Variants in NAALADL2 observed in about 807,000 individuals in gnomAD.
The protein encoded by NAALADL2 is inactive N-acetylated-alpha-linked acidic dipeptidase-like protein 2.
Under a neutral mutation model 87.2 loss-of-function variants are expected in NAALADL2, and 76 were observed. That is an observed-to-expected ratio of 0.87 (90% confidence interval 0.72 to 1.05). The LOEUF (loss-of-function observed/expected upper bound fraction) is 1.05, where lower values mean the gene tolerates loss of function less well. Ranked by LOEUF, NAALADL2 falls within the 50% of genes least tolerant of loss-of-function variation. The pLI is 0.00. For synonymous variants in NAALADL2, 354 were observed against 331.0 expected, an observed-to-expected ratio of 1.07 and a Z score of -0.75; for missense variants, 1,089 against 945.8, an observed-to-expected ratio of 1.15 and a Z score of -1.99.
chr3:174,837,576 C>T (rs1723490147), intron 3 of NAALADL2, among the ~76,000 whole-genome samples: 1 of 152,114 alleles, frequency 6.6e-6, no homozygotes, highest in African/African-American at 2.4e-5. Flanking sequence ...GGCAGATCAC[C>T]TGAGGTCAGG....
chr3:175,539,380 G>T (rs774408867), intron 9 of NAALADL2, among the ~76,000 whole-genome samples: 1 of 152,048 alleles, frequency 6.6e-6, no homozygotes, highest in South Asian at 2.1e-4. Flanking sequence ...TGACAGTTAC[G>T]CATTAATCTC....
At chr3:175,433,597 A>T (rs1718140419) in intron 5 of NAALADL2, among the ~76,000 whole-genome samples, 1 of 152,044 alleles carries the variant, frequency 6.6e-6, no homozygotes. Context: ...GACTTCAAAG[A>T]AAACTCATTA....
At chr3:175,108,318 A>C (rs1723585584) in intron 2 of NAALADL2, among the ~76,000 whole-genome samples, 1 of 151,956 alleles carries the variant, frequency 6.6e-6, no homozygotes, top group Non-Finnish European at 1.5e-5. Context: ...GAAAACTATG[A>C]TTTGAGATCA....
intron 2 of NAALADL2, among the ~76,000 whole-genome samples, chr3:175,128,592 G>A (rs1727323345): frequency 6.6e-6 from 1 of 152,092 alleles, no homozygotes; most frequent in Non-Finnish European, 1.5e-5. Context: ...CAGTTCATTT[G>A]AAAATTGTGC....
intron 1 of NAALADL2, among the ~76,000 whole-genome samples, chr3:175,039,521 C>T (rs1384251614): frequency 6.6e-6 from 1 of 152,092 alleles, no homozygotes; most frequent in South Asian, 2.1e-4. Flanking sequence ...CTTCTGAGAC[C>T]TGGACAATAG....
At chr3:174,757,497 CT>C (rs112050881) in intron 3 of NAALADL2, among the ~76,000 whole-genome samples, 109 of 144,042 alleles carry the variant, frequency 7.6e-4, no homozygotes, top group Middle Eastern at 3.7e-3. Flanking sequence ...GATAACTTTT[CT>C]TTTTTTTTTT....
chr3:175,652,074 C>T (rs1730835739), intron 11 of NAALADL2, among the ~76,000 whole-genome samples: 2 of 152,174 alleles, frequency 1.3e-5, no homozygotes, highest in South Asian at 4.1e-4. Flanking sequence ...GTGGTGCTAG[C>T]TTGTTTGTCT....
At chr3:174,783,238 T>C (rs979839940) in intron 3 of NAALADL2, among the ~76,000 whole-genome samples, 6 of 152,210 alleles carry the variant, frequency 3.9e-5, no homozygotes, top group Non-Finnish European at 7.3e-5. Context: ...GATTTCTCAC[T>C]TGAGGGCCCT....
chr3:174,679,974 G>A (rs1406505524), intron 2 of NAALADL2, among the ~76,000 whole-genome samples: 1 of 152,024 alleles, frequency 6.6e-6, no homozygotes, highest in Non-Finnish European at 1.5e-5. Context: ...TCAGAGTGTG[G>A]TCTTTAGTTG....
chr3:175,438,824 T>C (rs1019507669), intron 5 of NAALADL2, among the ~76,000 whole-genome samples: 4 of 151,798 alleles, frequency 2.6e-5, no homozygotes, highest in African/African-American at 4.9e-5. Flanking sequence ...TCTGACCATC[T>C]GATTATTCAT....
chr3:175,105,642 GACACAC>G (rs57274941), intron 2 of NAALADL2, among the ~76,000 whole-genome samples: 15,056 of 144,440 alleles, frequency 0.1, 837 homozygotes, highest in African/African-American at 0.15. Context: ...AATACACACA[GACACAC>G]ACACACACAC....
At chr3:174,771,714 TA>T (rs1714584951) in intron 3 of NAALADL2, among the ~76,000 whole-genome samples, 1 of 152,172 alleles carries the variant, frequency 6.6e-6, no homozygotes, top group South Asian at 2.1e-4. Context: ...ACTTACTGTT[TA>T]GAAAGGTATC....
At chr3:174,448,940 T>G (rs559282787) in intron 1 of NAALADL2, among the ~76,000 whole-genome samples, 2 of 152,320 alleles carry the variant, frequency 1.3e-5, no homozygotes, top group South Asian at 4.1e-4. Flanking sequence ...TGTAACTTTC[T>G]CAAGTTTTAA....
At chr3:175,618,714 A>T (rs1347777685) in intron 10 of NAALADL2, among the ~76,000 whole-genome samples, 1 of 152,016 alleles carries the variant, frequency 6.6e-6, no homozygotes, top group African/African-American at 2.4e-5. Flanking sequence ...TTTTTTCCCT[A>T]TATTACCAGG....
At chr3:174,949,285 A>T (rs1219264497) in intron 1 of NAALADL2, among the ~76,000 whole-genome samples, 1 of 152,150 alleles carries the variant, frequency 6.6e-6, no homozygotes, top group African/African-American at 2.4e-5. Flanking sequence ...TTCAGGTGCA[A>T]GTGTCCCCAG....
Position 174,890,963 on chromosome 3 carries a change from AT to A in NAALADL2, c.43+31520del, listed in dbSNP as rs1169389830. Among the ~76,000 whole-genome samples, 9 of 152,120 alleles carry A rather than the reference AT, an allele frequency of 5.9e-5. No homozygotes were observed. The South Asian group carries it at 1.2e-3, about 21-fold the overall frequency. ...ATAATAATATATGAATAAGAAAATT[AT>A]TTTTTTATTATGATAGGAAACTATC... On this transcript the variant is annotated intron_variant, in intron 1 of 13. Transcript: ENST00000454872.
At chr3:175,169,368 C>T (rs1734449520) in intron 2 of NAALADL2, among the ~76,000 whole-genome samples, 1 of 151,314 alleles carries the variant, frequency 6.6e-6, no homozygotes, top group African/African-American at 2.4e-5. Flanking sequence ...TACTAGCTAT[C>T]ACTACAGGCA....
intron 11 of NAALADL2, among the ~76,000 whole-genome samples, chr3:175,695,379 A>G (rs1229196829): frequency 1.3e-5 from 2 of 150,860 alleles, no homozygotes; most frequent in African/African-American, 4.9e-5. Context: ...CTAGTGAAAT[A>G]TTCTACTCCT....
intron 2 of NAALADL2, among the ~76,000 whole-genome samples, chr3:175,191,945 T>C (rs1738270561): frequency 6.6e-6 from 1 of 152,112 alleles, no homozygotes; most frequent in Admixed American, 6.5e-5. Flanking sequence ...ATCAGTGATC[T>C]CCCAAATAAA....
Sources: allele counts gnomAD v4.1 joint callset (sites outside exome capture counted in the v4.1 genomes callset), GRCh38; gene constraint gnomAD v4.1.1; transcripts MANE v1.5; gene names NCBI Gene and HGNC (gene_info 2026-07-23, HGNC 2026-07-21).